The following EP300 variants were observed in gnomAD, a reference collection of about 807,000 sequenced individuals.
EP300 encodes the protein EP300 lysine acetyltransferase, also known as histone acetyltransferase p300.
Under a neutral mutation model 264.0 loss-of-function variants are expected in EP300, and 31 were observed. That is an observed-to-expected ratio of 0.12 (90% CI 0.09 to 0.16). The LOEUF (loss-of-function observed/expected upper bound fraction) is 0.16, where lower values mean the gene tolerates loss of function less well. Among genes scored for constraint, EP300 ranks in the 10% least tolerant of loss-of-function variants. The probability of loss-of-function intolerance (pLI) is 1.00; values close to 1 mark genes in which losing one functional copy is unlikely to be tolerated. For synonymous variants in EP300, 1,340 were observed against 1,045.4 expected, an observed-to-expected ratio of 1.28 and a Z score of -5.44; for missense variants, 2,766 against 3,052.9, an observed-to-expected ratio of 0.91 and a Z score of 2.21.
chr22:41,098,029 A>T lies in EP300; in HGVS notation c.94+4931A>T, dbSNP rs540454187. On this transcript the variant is annotated intron_variant, in intron 1 of 30. Coordinates refer to ENST00000263253, the MANE Select transcript of EP300 (RefSeq NM_001429.4). ...TTTTTTTTTAATACTTTTAAGTTTTAGGATACATGTGCACAACGTGCAGGT... is the reference window on the plus strand; with the variant it reads ...TTTTTTTTTAATACTTTTAAGTTTTTGGATACATGTGCACAACGTGCAGGT... 2.0e-3 allele frequency among the ~76,000 whole-genome samples: 305 copies of T among 151,684 alleles called. 1 individual carries two copies. The highest frequency in any genetic ancestry group is 3.8e-3 in the Non-Finnish European group (255 of 67,942).
At position 41,135,857 on chromosome 22, in the gene EP300, C is replaced by T. The variant is rs886042427; in HGVS notation, c.1573C>T (p.Pro525Ser). Residue 525 changes from proline to serine, a missense_variant, in exon 7 of 31, where the codon CCG becomes TCG. Pro to Ser is a moderately conservative substitution (Grantham distance 74). Coordinates refer to ENST00000263253, the MANE Select transcript of EP300 (RefSeq NM_001429.4). Reference protein sequence around the residue: ...GVNGGVGVQTPSLLSDSMLHS... With the variant: ...GVNGGVGVQTSSLLSDSMLHS... ...AAATGGAGGTGTAGGAGTTCAAACGCCGAGTCTTCTTTCTGACTCAATGTT... is the reference window on the plus strand; with the variant it reads ...AAATGGAGGTGTAGGAGTTCAAACGTCGAGTCTTCTTTCTGACTCAATGTT... 1.3e-5 allele frequency: 21 copies of T among 1,614,118 alleles called. No homozygotes were observed. The highest frequency in any genetic ancestry group is 1.7e-5 in the Non-Finnish European group (20 of 1,180,016).
chr22:41,108,766 G>T (rs1271306093), intron 1 of EP300, among the ~76,000 whole-genome samples: 1 of 152,218 alleles, frequency 6.6e-6, no homozygotes, highest in Admixed American at 6.5e-5. Context: ...GCAGCCTGGT[G>T]ATGTTGATTG....
chr22:41,135,944 C>A, intron 7 of EP300, 38 bp downstream of exon 7: 2 of 1,401,828 alleles, frequency 1.4e-6, no homozygotes, highest in Non-Finnish European at 2.0e-6. Context: ...GGTCACATTA[C>A]AAATACTACT....
In EP300 at chr22:41,162,379, C is replaced by T. The variant is rs572880240; in HGVS notation, c.3672-344C>T. On this transcript the variant is annotated intron_variant, in intron 20 of 30. Coordinates refer to ENST00000263253, the MANE Select transcript of EP300 (RefSeq NM_001429.4). ...CTGTTAGCTTTTGTATGTAGTGAGG[C>T]TATGAGCAGTGTGTTATGCTGGGTT... 1.1e-4 allele frequency among the ~76,000 whole-genome samples: 17 copies of T among 152,204 alleles called. No homozygotes were observed. The South Asian group carries it at 3.5e-3, about 32-fold the overall frequency.
In EP300 at chr22:41,092,907, C is replaced by T. The variant is rs1044503438; in HGVS notation, c.-98C>T. On this transcript the variant is annotated 5_prime_UTR_variant, in exon 1 of 31. Transcript: ENST00000263253. Reference sequence around the variant, plus strand: ...CCCCCTCGGGTGCCGTCGGAGCCCCCCAGCCCACCCCTGGGTGCGGCGCGG... The same window carrying T: ...CCCCCTCGGGTGCCGTCGGAGCCCCTCAGCCCACCCCTGGGTGCGGCGCGG... 2 of 1,402,658 alleles carry T rather than the reference C, an allele frequency of 1.4e-6. No homozygotes were observed. The highest frequency in any genetic ancestry group is 2.0e-6 in the Non-Finnish European group (2 of 988,872). The allele number at this position is 1,402,658 out of a possible 1,614,324, so 86.9% of individuals were successfully genotyped here.
chr22:41,164,390 A>G (rs887178444), intron 22 of EP300, among the ~76,000 whole-genome samples: 1 of 152,208 alleles, frequency 6.6e-6, no homozygotes, highest in African/African-American at 2.4e-5. Flanking sequence ...GTTTATTAAA[A>G]TTATATTGTA....
intron 1 of EP300, among the ~76,000 whole-genome samples, chr22:41,099,913 T>G (rs901347436): frequency 6.6e-6 from 1 of 152,198 alleles, no homozygotes; most frequent in Non-Finnish European, 1.5e-5. Context: ...TTCATCAGGC[T>G]ACTCAGAATG....
chr22:41,148,850 A>G (rs2145735311), intron 12 of EP300, 188 bp from the exon 13 acceptor site: 3 of 681,910 alleles, frequency 4.4e-6, no homozygotes, highest in Non-Finnish European at 7.4e-6. Context: ...ATTTCTCTTT[A>G]TCTTGGCACA....
chr22:41,179,597 A>C lies in EP300; in HGVS notation c.*641A>C. 4.7e-6 allele frequency: 1 copy of C among 210,958 alleles called. No homozygotes were observed. Among genetic ancestry groups the C allele is most frequent in the Non-Finnish European group, 9.5e-6 (1 of 104,790 alleles). 13.1% of individuals were successfully genotyped at this position (210,958 alleles called of 1,614,324 possible). A position where few individuals can be genotyped will look rare whatever the true frequency, so the allele number is the denominator to read the frequency against. ...ACTTTTGTGCTCCAGAAAATTTTCTATTCTGTAAGTCTGAGCGTAAAACTT... is the reference window on the plus strand; with the variant it reads ...ACTTTTGTGCTCCAGAAAATTTTCTCTTCTGTAAGTCTGAGCGTAAAACTT... On this transcript the variant is annotated 3_prime_UTR_variant, in exon 31 of 31. Coordinates refer to ENST00000263253, the MANE Select transcript of EP300 (RefSeq NM_001429.4).
At chr22:41,157,902 G>A (rs1189277448) in intron 18 of EP300, among the ~76,000 whole-genome samples, 1 of 152,130 alleles carries the variant, frequency 6.6e-6, no homozygotes, top group African/African-American at 2.4e-5. Flanking sequence ...CATTTTTTCA[G>A]AGTGGCAATT....
In EP300 at chr22:41,140,399, A is replaced by G. The variant is rs1265852923; in HGVS notation, c.1878+142A>G. On this transcript the variant is annotated intron_variant, in intron 9 of 30. Transcript: ENST00000263253. ...ATCCCGTCTTATTGTCCCCAAGCAT[A>G]GTTAGGATACCAAAGCAGTTTCTTA... 8 of 767,214 alleles carry G rather than the reference A, an allele frequency of 1.0e-5. No individual in the cohort carries two copies. In the Admixed American group the frequency reaches 1.2e-4, roughly 12 times the overall value. The allele number at this position is 767,214 out of a possible 1,614,324, so 47.5% of individuals were successfully genotyped here.
At chr22:41,174,590 T>C (rs1271209596) in intron 29 of EP300, 1 of 152,146 alleles carries the variant, frequency 6.6e-6, no homozygotes, top group African/African-American at 2.4e-5. Flanking sequence ...GGTTTTTTTT[T>C]TCTCTCTTTA....
At chr22:41,166,942 G>A (rs1273567596) in intron 23 of EP300, among the ~76,000 whole-genome samples, 1 of 152,166 alleles carries the variant, frequency 6.6e-6, no homozygotes, top group Non-Finnish European at 1.5e-5. Context: ...CATAAAGGAG[G>A]AATAAGGTGT....
Position 41,179,049 on chromosome 22 carries a change from T to C in EP300, c.*93T>C. On this transcript the variant is annotated 3_prime_UTR_variant, in exon 31 of 31. Transcript: ENST00000263253. ...CAATTTTTTTGAATCTTTCGTAGCCTAAAAGACAATTTTCCTTGGAACACA... is the reference window on the plus strand; with the variant it reads ...CAATTTTTTTGAATCTTTCGTAGCCCAAAAGACAATTTTCCTTGGAACACA... 15 of 1,470,920 alleles carry C rather than the reference T, an allele frequency of 1.0e-5. No homozygotes were observed. The highest frequency in any genetic ancestry group is 1.2e-5 in the Non-Finnish European group (13 of 1,075,644). 91.1% of individuals were successfully genotyped at this position (1,470,920 alleles called of 1,614,324 possible). A position where few individuals can be genotyped will look rare whatever the true frequency, so the allele number is the denominator to read the frequency against.
At chr22:41,097,755 G>A (rs922745289) in intron 1 of EP300, among the ~76,000 whole-genome samples, 18 of 152,062 alleles carry the variant, frequency 1.2e-4, no homozygotes, top group African/African-American at 3.9e-4. Context: ...TAAAATTAAT[G>A]GGCAAATGAA....
intron 20 of EP300, 39 bp from the exon 21 acceptor site, chr22:41,162,684 C>T: frequency 2.6e-6 from 4 of 1,533,306 alleles, no homozygotes; most frequent in Non-Finnish European, 3.6e-6. Context: ...TTGCTCATCT[C>T]TATCACTTTT....
intron 1 of EP300, among the ~76,000 whole-genome samples, chr22:41,100,122 T>G (rs2058723161): frequency 6.6e-6 from 1 of 152,106 alleles, no homozygotes; most frequent in Non-Finnish European, 1.5e-5. Flanking sequence ...AGTCCTAGCT[T>G]CTTGGGAGGC....
chr22:41,173,178 TTAAA>T (rs2059180616), intron 28 of EP300, among the ~76,000 whole-genome samples: 1 of 152,228 alleles, frequency 6.6e-6, no homozygotes, highest in African/African-American at 2.4e-5. Context: ...AAAGGCACCC[TTAAA>T]TAGTCTGTTA....
chr22:41,127,573 T>C lies in EP300; in HGVS notation c.993T>C (p.Asp331=). ...QGMGSGAHTA[D]PEKRKLIQQQ... The stretch of plus-strand genomic sequence containing the variant: ...TGGGTTCTGGAGCACATACAGCTGA[T>C]CCAGAGAAGCGCAAGCTCATCCAGC... Residue 331 remains aspartate (D), a synonymous_variant, in exon 4 of 31, where the codon GAT becomes GAC. Coordinates refer to ENST00000263253, the MANE Select transcript of EP300 (RefSeq NM_001429.4). The C allele has an allele frequency of 6.2e-7, 1 of 1,614,198 alleles. No homozygotes were observed. Among genetic ancestry groups the C allele is most frequent in the Non-Finnish European group, 8.5e-7 (1 of 1,180,036 alleles).
Sources: gnomAD v4.1 joint callset for allele counts (sites outside exome capture counted in the v4.1 genomes callset) on GRCh38, gnomAD v4.1.1 for gene constraint, MANE v1.5 for transcripts, NCBI Gene and HGNC (gene_info 2026-07-23, HGNC 2026-07-21) for gene names.